Variants in RPAIN observed in about 807,000 individuals in gnomAD.
RPAIN encodes the protein RPA interacting protein, also known as RPA-interacting protein.
A neutral mutation model predicts 30.5 loss-of-function variants in RPAIN; 29 were observed. The observed-to-expected ratio is 0.95, with a 90% confidence interval of 0.71 to 1.30. The LOEUF is 1.30. RPAIN is among the 50% of genes most tolerant of loss of function. The probability of loss-of-function intolerance (pLI) is 0.00; values close to 1 mark genes in which losing one functional copy is unlikely to be tolerated. For missense variants in RPAIN, 247 were observed against 264.7 expected (o/e 0.93, Z 0.46); for synonymous variants, 101 against 93.5 (o/e 1.08, Z -0.46).
At chr17:5,432,250 G>A (rs1916047526) in intron 6 of RPAIN, 1 of 372,440 alleles carries the variant, frequency 2.7e-6, no homozygotes, top group African/African-American at 2.0e-5. Flanking sequence ...TTTCTGGTCA[G>A]TGGTTTCCTG....
chr17:5,421,258 CTT>C, intron 1 of RPAIN, 36 bp from the exon 2 acceptor site: 1 of 1,500,976 alleles, frequency 6.7e-7, no homozygotes, highest in Admixed American at 2.2e-5. Context: ...AATAGAAATG[CTT>C]TTTTTTTCCC....
At chr17:5,429,019 A>G (rs2151669926) in intron 6 of RPAIN, 1 of 978,734 alleles carries the variant, frequency 1.0e-6, no homozygotes, top group East Asian at 1.1e-4. Context: ...TTTCACCTTT[A>G]TCAAGTTTCT....
intron 3 of RPAIN, 90 bp downstream of exon 3, chr17:5,422,919 CT>C: frequency 3.0e-6 from 3 of 995,788 alleles, no homozygotes; most frequent in Non-Finnish European, 4.7e-6. Context: ...TATAAGTCCC[CT>C]TTGTCTACCT....
intron 1 of RPAIN, 43 bp downstream of exon 1, chr17:5,420,334 G>A (rs1377711819): frequency 6.5e-7 from 1 of 1,545,290 alleles, no homozygotes; most frequent in Admixed American, 1.7e-5. Context: ...AGATCGTCCC[G>A]GTGACCGCCG....
At chr17:5,431,364 G>A (rs1328570043) in intron 6 of RPAIN, 1 of 439,692 alleles carries the variant, frequency 2.3e-6, no homozygotes, top group East Asian at 7.1e-5. Context: ...GCTCGCACCT[G>A]TACTCCCAGC....
intron 6 of RPAIN, chr17:5,431,453 C>A (rs1486095756): frequency 4.6e-6 from 2 of 430,636 alleles, no homozygotes; most frequent in South Asian, 3.2e-5. Context: ...CGCCATTGCG[C>A]TCCAGGCTGG....
rs191730861 is a variant in RPAIN, at chr17:5,431,755, G to A, written c.631-787G>A. The stretch of plus-strand genomic sequence containing the variant: ...AGACGAGGAATGTTTCGGATGTGGC[G>A]GTGCTCAAGTGGTGGTCCTGGGATG... On this transcript the variant is annotated intron_variant, in intron 6 of 6. Transcript: ENST00000381209. 1.2e-3 allele frequency: 516 copies of A among 417,588 alleles called. 1 individual carries two copies. The highest frequency in any genetic ancestry group is 9.6e-3 in the African/African-American group (468 of 48,954). The allele number at this position is 417,588 out of a possible 1,614,324, so 25.9% of individuals were successfully genotyped here. A position where few individuals can be genotyped will look rare whatever the true frequency, so the allele number is the denominator to read the frequency against.
At chr17:5,431,818 C>CT in intron 6 of RPAIN, 1 of 355,450 alleles carries the variant, frequency 2.8e-6, no homozygotes, top group Non-Finnish European at 5.5e-6. Context: ...GTTACAGTGT[C>CT]TTTTAGAGAA....
At chr17:5,425,514 G>A (rs1436973717) in intron 3 of RPAIN, 3 of 362,078 alleles carry the variant, frequency 8.3e-6, no homozygotes, top group Non-Finnish European at 1.6e-5. Flanking sequence ...TTTTGTGTTT[G>A]TTAGTAGAGA....
At chr17:5,429,523 T>A in intron 6 of RPAIN, 1 of 985,172 alleles carries the variant, frequency 1.0e-6, no homozygotes, top group Non-Finnish European at 1.2e-6. Flanking sequence ...AGACCCCAGG[T>A]CTTTGTGGTT....
At chr17:5,432,108 C>G (rs1916027931) in intron 6 of RPAIN, 1 of 223,484 alleles carries the variant, frequency 4.5e-6, no homozygotes, top group African/African-American at 2.3e-5. Context: ...TACATGTTTT[C>G]TGCCCGTACT....
At chr17:5,423,773 T>C (rs1362685191) in intron 3 of RPAIN, among the ~76,000 whole-genome samples, 1 of 152,114 alleles carries the variant, frequency 6.6e-6, no homozygotes, top group African/African-American at 2.4e-5. Flanking sequence ...GTTTTTGTTT[T>C]TTTTGAGACA....
At chr17:5,424,359 G>A (rs976075612) in intron 3 of RPAIN, among the ~76,000 whole-genome samples, 1 of 152,052 alleles carries the variant, frequency 6.6e-6, no homozygotes, top group African/African-American at 2.4e-5. Flanking sequence ...TCAAACAGCT[G>A]GACTCAAACC....
chr17:5,426,155 C>A (rs180859741), intron 4 of RPAIN, 73 bp downstream of exon 4: 3 of 1,566,444 alleles, frequency 1.9e-6, no homozygotes, highest in Non-Finnish European at 2.6e-6. Context: ...AATCTCCCCC[C>A]AGATTTGTTG....
chr17:5,423,005 C>T (rs1478899227), intron 3 of RPAIN, 176 bp downstream of exon 3: 7 of 572,918 alleles, frequency 1.2e-5, no homozygotes, highest in East Asian at 1.2e-4. Context: ...TAATAAGGGT[C>T]TCCAGGGTGC....
rs1293934098 is a variant in RPAIN at position 5,426,440 on chromosome 17, A to G, written c.489+141A>G. ...TCAGTGGTGTCACATTGGTAGCTTC[A>G]AATCAGCCATGGTGAGAATATCTAT... On this transcript the variant is annotated intron_variant, in intron 5 of 6. Transcript: ENST00000381209. The G allele has an allele frequency of 3.9e-6, 3 of 774,182 alleles. No individual in the cohort carries two copies. In the African/African-American group the frequency reaches 5.1e-5, roughly 13 times the overall value. 48.0% of individuals were successfully genotyped at this position (774,182 alleles called of 1,614,324 possible). A position where few individuals can be genotyped will look rare whatever the true frequency, so the allele number is the denominator to read the frequency against.
At chr17:5,429,857 T>G in intron 6 of RPAIN, 1 of 842,344 alleles carries the variant, frequency 1.2e-6, no homozygotes, top group Non-Finnish European at 1.4e-6. Context: ...TCATTCAGCC[T>G]GATTCCTCAC....
intron 6 of RPAIN, chr17:5,429,229 C>G (rs1310215918): frequency 1.0e-6 from 1 of 984,898 alleles, no homozygotes; most frequent in Admixed American, 6.2e-5. Context: ...TGACACCTTC[C>G]TGGAGGAGGC....
intron 6 of RPAIN, chr17:5,429,606 G>A: frequency 4.1e-6 from 4 of 985,432 alleles, no homozygotes; most frequent in Non-Finnish European, 4.8e-6. Context: ...CAGCTTGTAT[G>A]GAAAGAGACA....
Sources: gnomAD v4.1 joint callset for allele counts (sites outside exome capture counted in the v4.1 genomes callset) on GRCh38, gnomAD v4.1.1 for gene constraint, MANE v1.5 for transcripts, NCBI Gene and HGNC (gene_info 2026-07-23, HGNC 2026-07-21) for gene names.